The following SLC2A9 variants were observed in gnomAD, a reference collection of about 807,000 sequenced individuals.
The protein encoded by SLC2A9 is solute carrier family 2, facilitated glucose transporter member 9.
SLC2A9 carries 39 observed loss-of-function variants against 50.6 expected under a neutral mutation model. That is an observed-to-expected ratio of 0.77 (90% CI 0.60 to 1.01). The LOEUF is 1.01. Ranked by LOEUF, SLC2A9 falls within the 50% of genes least tolerant of loss-of-function variation. The probability of loss-of-function intolerance (pLI) is 0.00; values close to 1 mark genes in which losing one functional copy is unlikely to be tolerated. For synonymous variants in SLC2A9, 324 were observed against 276.9 expected (o/e 1.17, Z -1.69); for missense variants, 686 against 677.6 (o/e 1.01, Z -0.14).
chr4:9,810,091 T>C (rs1722681685), intron 3 of SLC2A9, among the ~76,000 whole-genome samples: 1 of 151,946 alleles, frequency 6.6e-6, no homozygotes, highest in African/African-American at 2.4e-5. Context: ...TGATCACCAT[T>C]TGACCTATTT....
intron 10 of SLC2A9, among the ~76,000 whole-genome samples, chr4:9,850,161 G>A (rs192839949): frequency 2.0e-5 from 3 of 152,214 alleles, no homozygotes; most frequent in East Asian, 1.9e-4. Context: ...GGCCCCCAGC[G>A]ACTCCTGGGG....
chr4:9,957,967 T>C (rs997096057), intron 5 of SLC2A9, among the ~76,000 whole-genome samples: 3 of 152,196 alleles, frequency 2.0e-5, no homozygotes, highest in African/African-American at 2.4e-5. Flanking sequence ...GATTCTCACC[T>C]ATGGAAGTAA....
At chr4:9,963,674 A>G (rs1019075780) in intron 5 of SLC2A9, among the ~76,000 whole-genome samples, 4 of 152,178 alleles carry the variant, frequency 2.6e-5, no homozygotes, top group Admixed American at 1.3e-4. Context: ...CAGGATGACA[A>G]CAGTCAGGGA....
At chr4:9,991,338 A>G (rs1227552659) in intron 3 of SLC2A9, among the ~76,000 whole-genome samples, 1 of 152,246 alleles carries the variant, frequency 6.6e-6, no homozygotes, top group Non-Finnish European at 1.5e-5. Context: ...GGTTGTCAGC[A>G]GCACGGTGTG....
At chr4:9,953,219 G>T (rs181357605) in intron 5 of SLC2A9, among the ~76,000 whole-genome samples, 2 of 152,114 alleles carry the variant, frequency 1.3e-5, no homozygotes, top group East Asian at 3.9e-4. Flanking sequence ...CACTGAACCC[G>T]CTATGCCTCT....
chr4:10,025,850 C>T (rs1663739651), upstream of SLC2A9: 2 of 1,568,894 alleles, frequency 1.3e-6, no homozygotes, highest in East Asian at 2.2e-5. Context: ...GGGTACTACC[C>T]CCTGGGTGAC....
At chr4:9,880,791 A>G (rs2109632861) in intron 10 of SLC2A9, among the ~76,000 whole-genome samples, 1 of 152,326 alleles carries the variant, frequency 6.6e-6, no homozygotes, top group Admixed American at 6.5e-5. Flanking sequence ...CATGACCTGC[A>G]CTTATCATAG....
chr4:9,899,146 G>A (rs1739136542), intron 8 of SLC2A9, among the ~76,000 whole-genome samples: 1 of 152,220 alleles, frequency 6.6e-6, no homozygotes, highest in East Asian at 1.9e-4. Context: ...GCCCAGATGA[G>A]GGCCACCCCG....
chr4:9,808,754 G>C (rs1216997678), intron 3 of SLC2A9, among the ~76,000 whole-genome samples: 1 of 152,156 alleles, frequency 6.6e-6, no homozygotes, highest in East Asian at 1.9e-4. Flanking sequence ...TCCAAAGTGA[G>C]CAGCAGTGTG....
At chr4:9,783,521 GCA>G in intron 3 of SLC2A9, 2 of 1,451,252 alleles carry the variant, frequency 1.4e-6, no homozygotes, top group Middle Eastern at 1.9e-4. Flanking sequence ...TGACAAGCAC[GCA>G]CACACACGCA....
At chr4:9,855,641 A>G (rs1276544604) in intron 10 of SLC2A9, among the ~76,000 whole-genome samples, 1 of 152,190 alleles carries the variant, frequency 6.6e-6, no homozygotes, top group Non-Finnish European at 1.5e-5. Flanking sequence ...AAACCCAAAA[A>G]GAGCCCACAT....
intron 5 of SLC2A9, among the ~76,000 whole-genome samples, chr4:9,949,782 G>A (rs1194897601): frequency 2.0e-5 from 3 of 152,180 alleles, no homozygotes; most frequent in East Asian, 3.8e-4. Context: ...ACTCATCAGT[G>A]ATCACTCAAG....
chr4:9,931,942 C>CTCAA (rs1560328744), intron 6 of SLC2A9, among the ~76,000 whole-genome samples: 1 of 59,790 alleles, frequency 1.7e-5, no homozygotes, highest in Middle Eastern at 6.6e-3. Flanking sequence ...CTCTCTCTCT[C>CTCAA]TCTCTCTCTC....
At chr4:10,030,510 G>T (rs973409123) in intron 1 of SLC2A9, among the ~76,000 whole-genome samples, 8 of 152,024 alleles carry the variant, frequency 5.3e-5, no homozygotes, top group African/African-American at 1.9e-4. Context: ...CTTTTACATT[G>T]TAATAAATGC....
intron 10 of SLC2A9, among the ~76,000 whole-genome samples, chr4:9,854,041 GT>G (rs1423629440): frequency 1.3e-5 from 2 of 151,722 alleles, no homozygotes; most frequent in African/African-American, 4.8e-5. Flanking sequence ...ACATCAAAAA[GT>G]TAGAAAGATC....
intron 5 of SLC2A9, among the ~76,000 whole-genome samples, chr4:9,963,220 C>CT (rs1752551008): frequency 6.6e-6 from 1 of 152,202 alleles, no homozygotes; most frequent in Non-Finnish European, 1.5e-5. Flanking sequence ...TTATTCACTA[C>CT]CATGAGAACA....
chr4:9,887,426 A>C (rs1736468762), intron 10 of SLC2A9, 141 bp downstream of exon 10: 6 of 784,430 alleles, frequency 7.6e-6, no homozygotes, highest in Non-Finnish European at 1.2e-5. Flanking sequence ...ATTGGGCCAA[A>C]AGAAAGGCAG....
chr4:9,805,664 T>TTC (rs1157646378), intron 3 of SLC2A9, among the ~76,000 whole-genome samples: 1 of 149,484 alleles, frequency 6.7e-6, no homozygotes, highest in Admixed American at 6.7e-5. Flanking sequence ...CCACTGCACT[T>TTC]CAGCCTGCGC....
chr4:9,816,677 C>T (rs796551093), intron 3 of SLC2A9, among the ~76,000 whole-genome samples: 7 of 152,190 alleles, frequency 4.6e-5, no homozygotes, highest in East Asian at 3.9e-4. Flanking sequence ...TTCAGATATA[C>T]GAGTTCTACA....
Sources: allele counts gnomAD v4.1 joint callset (sites outside exome capture counted in the v4.1 genomes callset), GRCh38; gene constraint gnomAD v4.1.1; transcripts MANE v1.5; gene names NCBI Gene and HGNC (gene_info 2026-07-23, HGNC 2026-07-21).